SPATA33: variants seen among roughly 807,000 people sequenced by gnomAD.
SPATA33 encodes the protein spermatogenesis-associated protein 33.
A neutral mutation model predicts 8.9 loss-of-function variants in SPATA33; 10 were observed. The ratio of observed to expected loss-of-function variants is 1.12; its 90% CI spans 0.69 to 1.90. The LOEUF is 1.90. Among genes scored for constraint, SPATA33 ranks in the 40% most tolerant of loss-of-function variants. SPATA33 has a pLI of 0.00. For synonymous variants in SPATA33, 96 were observed against 72.8 expected, an observed-to-expected ratio of 1.32 and a Z score of -1.63; for missense variants, 241 against 178.3, an observed-to-expected ratio of 1.35 and a Z score of -2.00.
At chr16:89,665,107 CA>C (rs1334033594) in intron 2 of SPATA33, among the ~76,000 whole-genome samples, 1 of 151,612 alleles carries the variant, frequency 6.6e-6, no homozygotes, top group Non-Finnish European at 1.5e-5. Context: ...ACGATTCTCC[CA>C]CCTCAGCTCC....
intron 2 of SPATA33, among the ~76,000 whole-genome samples, chr16:89,665,355 G>T (rs1309870861): frequency 6.6e-6 from 1 of 150,958 alleles, no homozygotes; most frequent in East Asian, 2.0e-4. Context: ...ACCCAGGCTG[G>T]ACTGCAATGG....
chr16:89,665,041 G>A (rs778705451), intron 2 of SPATA33, among the ~76,000 whole-genome samples: 2 of 152,176 alleles, frequency 1.3e-5, no homozygotes, highest in Admixed American at 6.5e-5. Context: ...TCTCACCCAG[G>A]CTGGAGTGCA....
chr16:89,663,977 G>A (rs1024055134), intron 2 of SPATA33, among the ~76,000 whole-genome samples: 9 of 152,114 alleles, frequency 5.9e-5, no homozygotes, highest in African/African-American at 1.9e-4. Context: ...GAATTAGCTG[G>A]GTGTAGTGGA....
At chr16:89,666,574 T>A (rs1183941853) in intron 2 of SPATA33, among the ~76,000 whole-genome samples, 1 of 152,046 alleles carries the variant, frequency 6.6e-6, no homozygotes, top group Non-Finnish European at 1.5e-5. Context: ...TTTCTCCCCA[T>A]GTGCGGAGAT....
At chr16:89,660,941 G>T (rs969486473) in intron 2 of SPATA33, 2 of 1,017,818 alleles carry the variant, frequency 2.0e-6, no homozygotes, top group African/African-American at 1.7e-5. Flanking sequence ...ATGCACCTCA[G>T]GGGGAGCCAG....
At chr16:89,658,632 G>C in intron 2 of SPATA33, 1 of 673,878 alleles carries the variant, frequency 1.5e-6, no homozygotes, top group Non-Finnish European at 2.4e-6. Context: ...ATGTAGGTCA[G>C]TTCCCGAGTG....
chr16:89,660,958 T>C, intron 2 of SPATA33: 1 of 1,009,522 alleles, frequency 9.9e-7, no homozygotes, highest in South Asian at 4.7e-5. Flanking sequence ...CCAGCATCAG[T>C]GTCCAGCCCC....
At chr16:89,659,364 T>C (rs2059933307) in intron 2 of SPATA33, 1 of 152,336 alleles carries the variant, frequency 6.6e-6, no homozygotes, top group East Asian at 1.9e-4. Context: ...GGAGGTGTTT[T>C]AAGTTTCATC....
intron 2 of SPATA33, among the ~76,000 whole-genome samples, chr16:89,665,534 T>C (rs1299406108): frequency 7.0e-6 from 1 of 143,206 alleles, no homozygotes; most frequent in Non-Finnish European, 1.5e-5. Context: ...CAGAATGGTC[T>C]TAATTTCCTG....
intron 2 of SPATA33, among the ~76,000 whole-genome samples, chr16:89,665,419 C>G (rs945255154): frequency 1.3e-5 from 2 of 152,066 alleles, no homozygotes; most frequent in African/African-American, 4.8e-5. Context: ...ATTCTCCTGT[C>G]TCAGCCTCCC....
At position 89,669,455 on chromosome 16, in the gene SPATA33, C is replaced by A; in HGVS notation, c.381C>A (p.Asn127Lys). ...GGGGCCCCTACCGGCGGCACAGGAA[C>A]CCCAGTACAGCAGACGCCTATAATT... ...EDWGPYRRHR[N>K]PSTADAYNSH... The change falls in exon 3 of 3, where the codon AAC (asparagine) becomes AAA (lysine). Residue 127 changes from asparagine to lysine, a missense_variant. Coordinates refer to ENST00000579310, the MANE Select transcript of SPATA33 (RefSeq NM_001271907.2). The A allele has an allele frequency of 6.2e-7, 1 of 1,613,692 alleles. No individual in the cohort carries two copies. Among genetic ancestry groups the A allele is most frequent in the Non-Finnish European group, 8.5e-7 (1 of 1,180,020 alleles).
rs553391827 is a variant in SPATA33, at chr16:89,669,802, C to T, written c.*305C>T. ...TCCAGTGCTCTCGGGGAGGGTGCAC[C>T]AGGCCCACCCCACCCTGTGAGAACC... On this transcript the variant is annotated 3_prime_UTR_variant, in exon 3 of 3. Coordinates refer to ENST00000579310, the MANE Select transcript of SPATA33 (RefSeq NM_001271907.2). The T allele has an allele frequency of 3.0e-5, 13 of 428,022 alleles. No homozygotes were observed. The highest frequency in any genetic ancestry group is 2.1e-4 in the African/African-American group (10 of 48,242). The allele number at this position is 428,022 out of a possible 1,614,324, so 26.5% of individuals were successfully genotyped here.
chr16:89,661,352 G>A (rs774659931), intron 2 of SPATA33: 51 of 366,502 alleles, frequency 1.4e-4, no homozygotes, highest in Non-Finnish European at 1.6e-4. Context: ...GAGATCCGAT[G>A]GTTTTAAAAA....
chr16:89,658,695 C>G (rs2059921415), intron 2 of SPATA33: 2 of 489,232 alleles, frequency 4.1e-6, no homozygotes, highest in Non-Finnish European at 3.7e-6. Context: ...TGTGTCTCAC[C>G]TGAGGTTCTC....
At chr16:89,664,952 G>A (rs897838236) in intron 2 of SPATA33, among the ~76,000 whole-genome samples, 1 of 152,220 alleles carries the variant, frequency 6.6e-6, no homozygotes, top group Non-Finnish European at 1.5e-5. Context: ...TTGTTGTGCA[G>A]CAATAGAAGT....
At chr16:89,669,165 C>G (rs1456651244) in intron 2 of SPATA33, 121 bp from the exon 3 acceptor site, 14 of 875,262 alleles carry the variant, frequency 1.6e-5, no homozygotes, top group East Asian at 2.6e-5. Flanking sequence ...TTTGGACTCA[C>G]CCATTTTTTC....
chr16:89,665,831 G>C (rs180926922), intron 2 of SPATA33, among the ~76,000 whole-genome samples: 2,397 of 152,108 alleles, frequency 0.016, 66 homozygotes, highest in African/African-American at 0.055. Flanking sequence ...CTGTAATCCC[G>C]GCACTTTGGA....
chr16:89,665,616 A>G (rs258319), intron 2 of SPATA33, among the ~76,000 whole-genome samples: 2 of 151,986 alleles, frequency 1.3e-5, no homozygotes, highest in Non-Finnish European at 2.9e-5. Context: ...GTCTGGCCTA[A>G]TATTTCTAAA....
At position 89,669,778 on chromosome 16, in the gene SPATA33, C is replaced by T; in HGVS notation, c.*281C>T. 2.1e-6 allele frequency: 1 copy of T among 470,798 alleles called. No individual in the cohort carries two copies. The allele number at this position is 470,798 out of a possible 1,614,324, so 29.2% of individuals were successfully genotyped here. A position where few individuals can be genotyped will look rare whatever the true frequency, so the allele number is the denominator to read the frequency against. On this transcript the variant is annotated 3_prime_UTR_variant, in exon 3 of 3. Coordinates refer to ENST00000579310, the MANE Select transcript of SPATA33 (RefSeq NM_001271907.2). ...CCGTGAGAAACTGCAGTCCCCTTCTCCAGTGCTCTCGGGGAGGGTGCACCA... is the reference window on the plus strand; with the variant it reads ...CCGTGAGAAACTGCAGTCCCCTTCTTCAGTGCTCTCGGGGAGGGTGCACCA...
Sources: gnomAD v4.1 joint callset for allele counts (sites outside exome capture counted in the v4.1 genomes callset) on GRCh38, gnomAD v4.1.1 for gene constraint, MANE v1.5 for transcripts, NCBI Gene and HGNC (gene_info 2026-07-23, HGNC 2026-07-21) for gene names.